Variants in BTBD7 observed in about 807,000 individuals in gnomAD.
The protein encoded by BTBD7 is BTB/POZ domain-containing protein 7.
BTBD7 carries 38 observed loss-of-function variants against 99.9 expected under a neutral mutation model. The ratio of observed to expected loss-of-function variants is 0.38; its 90% CI spans 0.29 to 0.50. The LOEUF is 0.50. Among genes scored for constraint, BTBD7 ranks in the 20% least tolerant of loss-of-function variants. BTBD7 has a pLI of 0.93. For missense variants in BTBD7, 1,170 were observed against 1,394.6 expected (o/e 0.84, Z 2.57); for synonymous variants, 520 against 511.4 (o/e 1.02, Z -0.23).
At chr14:93,321,019 C>G (rs534842792) in intron 1 of BTBD7, among the ~76,000 whole-genome samples, 2 of 152,188 alleles carry the variant, frequency 1.3e-5, no homozygotes, top group African/African-American at 4.8e-5. Flanking sequence ...GATACCGTTA[C>G]GCAGTATAGG....
Position 93,242,103 on chromosome 14 carries a change from A to T in BTBD7, c.*170T>A. 1 of 593,958 alleles carries T rather than the reference A, an allele frequency of 1.7e-6. No individual in the cohort carries two copies. The highest frequency in any genetic ancestry group is 2.8e-6 in the Non-Finnish European group (1 of 352,468). 36.8% of individuals were successfully genotyped at this position (593,958 alleles called of 1,614,324 possible). A position where few individuals can be genotyped will look rare whatever the true frequency, so the allele number is the denominator to read the frequency against. On this transcript the variant is annotated 3_prime_UTR_variant, in exon 11 of 11. Transcript: ENST00000334746. ...TGCAACATTAAAAAAAAAAAACAAA[A>T]CCTTCTTAGCATGCCATGTCTAATA... is the stretch of plus-strand genomic sequence containing the variant.
chr14:93,288,261 T>C, intron 3 of BTBD7: 1 of 500,010 alleles, frequency 2.0e-6, no homozygotes, highest in Non-Finnish European at 3.5e-6. Context: ...CTCTGGTATA[T>C]ATTTCTAAAG....
intron 9 of BTBD7, 151 bp from the exon 10 acceptor site, chr14:93,246,437 A>C: frequency 3.2e-6 from 3 of 950,208 alleles, no homozygotes; most frequent in Non-Finnish European, 4.4e-6. Flanking sequence ...CCAGAAGCCC[A>C]AGAAAAAAAT....
intron 1 of BTBD7, among the ~76,000 whole-genome samples, chr14:93,312,795 T>C (rs533207115): frequency 2.0e-5 from 3 of 148,234 alleles, no homozygotes; most frequent in African/African-American, 5.0e-5. Flanking sequence ...CTGGACTGTA[T>C]ATAAGGCAGT....
chr14:93,301,150 T>G (rs2052999934), intron 1 of BTBD7, among the ~76,000 whole-genome samples: 1 of 151,374 alleles, frequency 6.6e-6, no homozygotes, highest in African/African-American at 2.4e-5. Context: ...AGGCCAGGAG[T>G]TAGAGACCAA....
rs748560427 is a variant in BTBD7 at position 93,263,884 on chromosome 14, A to G, written c.1272T>C (p.His424=). Residue 424 remains histidine (H), a synonymous_variant, in exon 4 of 11, where the codon CAT becomes CAC. Coordinates refer to ENST00000334746, the MANE Select transcript of BTBD7 (RefSeq NM_001002860.4). ...GSKWVHRQAL[H]FLCEEFSQVM... Reference sequence around the variant, plus strand: ...CCTGGGAAAATTCCTCACAGAGGAAATGTAAAGCTTGTCGGTGCACCCATT... The same window carrying G: ...CCTGGGAAAATTCCTCACAGAGGAAGTGTAAAGCTTGTCGGTGCACCCATT... 1 of 1,614,202 alleles carries G rather than the reference A, an allele frequency of 6.2e-7. No homozygotes were observed. Among genetic ancestry groups the G allele is most frequent in the South Asian group, 1.1e-5 (1 of 91,090 alleles).
At position 93,288,136 on chromosome 14, in the gene BTBD7, A is replaced by G. The variant is rs554624773; in HGVS notation, c.1162+5722T>C. ...ATTTTTCTCCTCCCTGCAACATTTT[A>G]AAATTGTCTCTTTTTCCCCAGTGTT... On this transcript the variant is annotated intron_variant, in intron 3 of 10. Transcript: ENST00000334746. 29 of 202,616 alleles carry G rather than the reference A, an allele frequency of 1.4e-4. No homozygotes were observed. In the South Asian group the frequency reaches 3.4e-3, roughly 24 times the overall value. The allele number at this position is 202,616 out of a possible 1,614,324, so 12.6% of individuals were successfully genotyped here. A position where few individuals can be genotyped will look rare whatever the true frequency, so the allele number is the denominator to read the frequency against.
chr14:93,279,351 C>T (rs993202576), intron 3 of BTBD7, among the ~76,000 whole-genome samples: 2 of 152,202 alleles, frequency 1.3e-5, no homozygotes, highest in African/African-American at 4.8e-5. Context: ...CTGATATGCT[C>T]GCTTTTACCT....
At chr14:93,280,664 T>C (rs898181447) in intron 3 of BTBD7, among the ~76,000 whole-genome samples, 1 of 152,244 alleles carries the variant, frequency 6.6e-6, no homozygotes, top group South Asian at 2.1e-4. Flanking sequence ...GTAATCCCCT[T>C]GTGGAGACAT....
Position 93,293,823 on chromosome 14 carries a change from T to G in BTBD7, c.1162+35A>C, listed in dbSNP as rs1040880960. 4.5e-6 allele frequency: 7 copies of G among 1,562,504 alleles called. No homozygotes were observed. In the East Asian group the frequency reaches 1.1e-4, roughly 25 times the overall value. ...TCAATTTGGAAGATCAATACATAAT[T>G]CTATAAATCAGAATTAAAAACCAGA... On this transcript the variant is annotated intron_variant, in intron 3 of 10. Coordinates refer to ENST00000334746, the MANE Select transcript of BTBD7 (RefSeq NM_001002860.4).
rs543716729 is a variant in BTBD7 at position 93,281,336 on chromosome 14, C to T, written c.1162+12522G>A. Among the ~76,000 whole-genome samples the T allele has an allele frequency of 8.5e-5, 13 of 152,152 alleles. No homozygotes were observed. The South Asian group carries it at 1.7e-3, about 19-fold the overall frequency. ...TTTTTTTGTAGAGGCAGAGTTTCAC[C>T]GTGTTGCCTAGGCAGGTCTCAAACT... On this transcript the variant is annotated intron_variant, in intron 3 of 10. Coordinates refer to ENST00000334746, the MANE Select transcript of BTBD7 (RefSeq NM_001002860.4).
intron 5 of BTBD7, 137 bp from the exon 6 acceptor site, chr14:93,257,492 AT>A (rs2052443645): frequency 1.4e-6 from 1 of 705,554 alleles, no homozygotes; most frequent in Admixed American, 3.6e-5. Context: ...TTATAAATCA[AT>A]TATTTTCTTT....
intron 5 of BTBD7, 68 bp from the exon 6 acceptor site, chr14:93,257,423 C>G: frequency 6.9e-7 from 1 of 1,451,274 alleles, no homozygotes; most frequent in Non-Finnish European, 9.4e-7. Context: ...CCTTTGTTCT[C>G]TAGTACATAC....
At chr14:93,300,891 C>T (rs779180147) in intron 1 of BTBD7, among the ~76,000 whole-genome samples, 11 of 151,710 alleles carry the variant, frequency 7.3e-5, no homozygotes, top group Non-Finnish European at 1.2e-4. Flanking sequence ...GCTGGGATTA[C>T]AGGTGTGACC....
At chr14:93,263,304 A>C (rs1394961705) in intron 4 of BTBD7, among the ~76,000 whole-genome samples, 1 of 152,280 alleles carries the variant, frequency 6.6e-6, no homozygotes, top group Non-Finnish European at 1.5e-5. Context: ...GGTTAAAAAT[A>C]AGTAGTTGAA....
intron 1 of BTBD7, among the ~76,000 whole-genome samples, chr14:93,299,041 T>C (rs1440585459): frequency 6.6e-6 from 1 of 152,136 alleles, no homozygotes; most frequent in Non-Finnish European, 1.5e-5. Flanking sequence ...ATGAACTGAT[T>C]TGGGGACATT....
chr14:93,322,543 A>G (rs1041349532), intron 1 of BTBD7, among the ~76,000 whole-genome samples: 11 of 152,368 alleles, frequency 7.2e-5, no homozygotes, highest in Non-Finnish European at 1.3e-4. Context: ...TAAAAAATAC[A>G]GAAGAGAGAT....
chr14:93,318,039 CT>C (rs1328473660), intron 1 of BTBD7, among the ~76,000 whole-genome samples: 1 of 152,186 alleles, frequency 6.6e-6, no homozygotes, highest in South Asian at 2.1e-4. Context: ...GGCATTTTCG[CT>C]TTGTATTTTT....
chr14:93,292,209 A>G (rs538822416), intron 3 of BTBD7, among the ~76,000 whole-genome samples: 46 of 152,302 alleles, frequency 3.0e-4, no homozygotes, highest in African/African-American at 1.1e-3. Flanking sequence ...AAAAAAACAT[A>G]TATTAAAGAA....
Sources: allele counts gnomAD v4.1 joint callset (sites outside exome capture counted in the v4.1 genomes callset), GRCh38; gene constraint gnomAD v4.1.1; transcripts MANE v1.5; gene names NCBI Gene and HGNC (gene_info 2026-07-23, HGNC 2026-07-21).